Variants in ASB13 observed in about 807,000 individuals in gnomAD.
ASB13 encodes ankyrin repeat and SOCS box protein 13.
In ASB13, 33 loss-of-function variants were observed where a neutral mutation model predicts 28.8. The observed-to-expected ratio is 1.15, with a 90% CI of 0.87 to 1.53. The LOEUF is 1.53. ASB13 is among the 40% of genes most tolerant of loss of function. The pLI is 0.00. For missense variants in ASB13, 414 were observed against 390.1 expected, an observed-to-expected ratio of 1.06 and a Z score of -0.52; for synonymous variants, 182 against 172.9, an observed-to-expected ratio of 1.05 and a Z score of -0.41.
Position 5,658,066 on chromosome 10 carries a change from GAGA to G in ASB13, c.44-5019_44-5017del, listed in dbSNP as rs1465914728. 2.0e-5 allele frequency among the ~76,000 whole-genome samples: 3 copies of G among 152,164 alleles called. No homozygotes were observed. The highest frequency in any genetic ancestry group is 2.0e-4 in the Admixed American group (3 of 15,282). The stretch of plus-strand genomic sequence containing the variant: ...GCCAGCTACTCAGAGGCTGAGGCAC[GAGA>G]ATCGCATGAACCCAGGAGACAGAGG... On this transcript the variant is annotated intron_variant, in intron 1 of 5. Coordinates refer to ENST00000357700, the MANE Select transcript of ASB13 (RefSeq NM_024701.4). The surrounding 1 kb of genome is among the most constrained non-coding windows in gnomAD (Gnocchi z 4.2).
In ASB13 at chr10:5,651,098, C is replaced by G; in HGVS notation, c.382+115G>C. 7.4e-7 allele frequency: 1 copy of G among 1,348,456 alleles called. No individual in the cohort carries two copies. Among genetic ancestry groups the G allele is most frequent in the Non-Finnish European group, 1.0e-6 (1 of 999,602 alleles). The allele number at this position is 1,348,456 out of a possible 1,614,324, so 83.5% of individuals were successfully genotyped here. A position where few individuals can be genotyped will look rare whatever the true frequency, so the allele number is the denominator to read the frequency against. On this transcript the variant is annotated intron_variant, in intron 3 of 5. Coordinates refer to ENST00000357700, the MANE Select transcript of ASB13 (RefSeq NM_024701.4). This position sits in a 1 kb window ranked among gnomAD's most constrained non-coding sequence, Gnocchi z 5.1. The stretch of plus-strand genomic sequence containing the variant: ...AAACAGACTCAGAACTCTCCTTCAC[C>G]AGCCAAGGGCTCCCAATTCTGTCTA...
chr10:5,665,204 G>T (rs1835239395), intron 1 of ASB13, among the ~76,000 whole-genome samples: 1 of 152,170 alleles, frequency 6.6e-6, no homozygotes, highest in East Asian at 1.9e-4. Context: ...TCCAGAATTT[G>T]AGGTCAGAAT....
chr10:5,663,013 T>C lies in ASB13; in HGVS notation c.43+3496A>G, dbSNP rs564013336. ...TGGGCTCAGTGTTTTGTTGCTACAG[T>C]GATATTTTTCAACCATGTCTTTTTA... On this transcript the variant is annotated intron_variant, in intron 1 of 5. Coordinates refer to ENST00000357700, the MANE Select transcript of ASB13 (RefSeq NM_024701.4). This position sits in a 1 kb window ranked among gnomAD's most constrained non-coding sequence, Gnocchi z 4.9. Among the ~76,000 whole-genome samples the C allele has an allele frequency of 6.6e-6, 1 of 152,324 alleles. No homozygotes were observed. The highest frequency in any genetic ancestry group is 1.5e-5 in the Non-Finnish European group (1 of 68,032).
chr10:5,649,130 A>G lies in ASB13; in HGVS notation c.383-26T>C. ...CTTAAGATAAATGGAAAAGGGGGGG[A>G]ATGTCCTTGAATACGGACACTGGAG... On this transcript the variant is annotated intron_variant, in intron 3 of 5. Coordinates refer to ENST00000357700, the MANE Select transcript of ASB13 (RefSeq NM_024701.4). The surrounding 1 kb of genome is among the most constrained non-coding windows in gnomAD (Gnocchi z 6.4). 2 of 1,613,226 alleles carry G rather than the reference A, an allele frequency of 1.2e-6. No individual in the cohort carries two copies. Among genetic ancestry groups the G allele is most frequent in the Non-Finnish European group, 1.7e-6 (2 of 1,179,794 alleles).
Position 5,651,450 on chromosome 10 carries a change from A to G in ASB13, c.232-87T>C, listed in dbSNP as rs1489440940. On this transcript the variant is annotated intron_variant, in intron 2 of 5. Transcript: ENST00000357700. The surrounding 1 kb of genome is among the most constrained non-coding windows in gnomAD (Gnocchi z 5.1). ...TCCTGCTGCAGGTTCATCTTTGCTA[A>G]GATGCTTCTTAGAAGCACCGGTTTG... 7.8e-6 allele frequency: 11 copies of G among 1,405,212 alleles called. No homozygotes were observed. The highest frequency in any genetic ancestry group is 1.0e-5 in the Non-Finnish European group (11 of 1,048,378). The allele number at this position is 1,405,212 out of a possible 1,614,324, so 87.0% of individuals were successfully genotyped here. A position where few individuals can be genotyped will look rare whatever the true frequency, so the allele number is the denominator to read the frequency against.
rs1299575975 is a variant in ASB13, at chr10:5,660,463, A to G, written c.43+6046T>C. On this transcript the variant is annotated intron_variant, in intron 1 of 5. Transcript: ENST00000357700. The surrounding 1 kb of genome is among the most constrained non-coding windows in gnomAD (Gnocchi z 6.1). ...CCTGGCTGAACAGGTCAAGTGGCTC[A>G]GGGTCAGCCTACCCTCAGGGAGCAG... Among the ~76,000 whole-genome samples, 1 of 152,182 alleles carries G rather than the reference A, an allele frequency of 6.6e-6. No individual in the cohort carries two copies. Among genetic ancestry groups the G allele is most frequent in the Non-Finnish European group, 1.5e-5 (1 of 68,038 alleles).
At position 5,642,463 on chromosome 10, in the gene ASB13, G is replaced by C; in HGVS notation, c.518-502C>G. ...CATATTCTTTTACAAAAGGAAAACAGATAACGTACCCAAAACAGTAGGCAA... is the reference window on the plus strand; with the variant it reads ...CATATTCTTTTACAAAAGGAAAACACATAACGTACCCAAAACAGTAGGCAA... On this transcript the variant is annotated intron_variant, in intron 4 of 5. Transcript: ENST00000357700. The surrounding 1 kb of genome is among the most constrained non-coding windows in gnomAD (Gnocchi z 4.1). 8.6e-7 allele frequency: 1 copy of C among 1,169,272 alleles called. No individual in the cohort carries two copies. The highest frequency in any genetic ancestry group is 1.1e-6 in the Non-Finnish European group (1 of 930,470). 72.4% of individuals were successfully genotyped at this position (1,169,272 alleles called of 1,614,324 possible). A position where few individuals can be genotyped will look rare whatever the true frequency, so the allele number is the denominator to read the frequency against.
At chr10:5,654,916 G>C (rs1835047885) in intron 1 of ASB13, among the ~76,000 whole-genome samples, 1 of 152,038 alleles carries the variant, frequency 6.6e-6, no homozygotes, top group African/African-American at 2.4e-5. Flanking sequence ...GGCCAACATG[G>C]TGAAACCCCC....
chr10:5,649,173 G>A lies in ASB13; in HGVS notation c.383-69C>T, dbSNP rs973568435. 2.6e-5 allele frequency: 42 copies of A among 1,593,352 alleles called. No homozygotes were observed. Among genetic ancestry groups the A allele is most frequent in the African/African-American group, 1.3e-4 (10 of 74,696 alleles). ...CACTGGAGACAACAAGCACACAGAC[G>A]CGGCAGGGGCAGCAGCCTCCATCCT... On this transcript the variant is annotated intron_variant, in intron 3 of 5. Coordinates refer to ENST00000357700, the MANE Select transcript of ASB13 (RefSeq NM_024701.4). This position sits in a 1 kb window ranked among gnomAD's most constrained non-coding sequence, Gnocchi z 6.4.
In ASB13 at chr10:5,639,586, A is replaced by T. The variant is rs1011271633; in HGVS notation, c.*1117T>A. 6.6e-6 allele frequency: 1 copy of T among 152,078 alleles called. No individual in the cohort carries two copies. The highest frequency in any genetic ancestry group is 2.4e-5 in the African/African-American group (1 of 41,382). The allele number at this position is 152,078 out of a possible 1,614,324, so 9.4% of individuals were successfully genotyped here. On this transcript the variant is annotated 3_prime_UTR_variant, in exon 6 of 6. Coordinates refer to ENST00000357700, the MANE Select transcript of ASB13 (RefSeq NM_024701.4). ...GTCTGAATACGCTACCGAATGCTCC[A>T]CCTATGGCTTATAATGCAGAACGAC... is the stretch of plus-strand genomic sequence containing the variant.
Position 5,651,753 on chromosome 10 carries a change from A to G in ASB13, c.232-390T>C, listed in dbSNP as rs558324019. 2.0e-5 allele frequency among the ~76,000 whole-genome samples: 3 copies of G among 152,162 alleles called. No individual in the cohort carries two copies. The highest frequency in any genetic ancestry group is 7.2e-5 in the African/African-American group (3 of 41,520). ...CACAGTGGCTCACACCTGTAACCCC[A>G]GCACTTCGGAAGGCGAGGAGGGAGG... On this transcript the variant is annotated intron_variant, in intron 2 of 5. Coordinates refer to ENST00000357700, the MANE Select transcript of ASB13 (RefSeq NM_024701.4). This position sits in a 1 kb window ranked among gnomAD's most constrained non-coding sequence, Gnocchi z 5.1.
rs377307431 is a variant in ASB13, at chr10:5,641,960, C to T, written c.519G>A (p.Gly173=). ...GAAGCTTTGCCGCATTCACGTTGGC[C>T]CCTGGAGGTCAAGAGTGCAGAAGAG... is the stretch of plus-strand genomic sequence containing the variant. ...LDCVKVLLNA[G]ANVNAAKLHE... The change falls in exon 5 of 6, where the codon GGG becomes GGA. Residue 173 remains glycine (G), a splice_region_variant and synonymous_variant. Coordinates refer to ENST00000357700, the MANE Select transcript of ASB13 (RefSeq NM_024701.4). This position sits in a 1 kb window ranked among gnomAD's most constrained non-coding sequence, Gnocchi z 8.4. 3.1e-6 allele frequency: 5 copies of T among 1,600,590 alleles called. No homozygotes were observed. The highest frequency in any genetic ancestry group is 3.4e-6 in the Non-Finnish European group (4 of 1,168,642).
intron 1 of ASB13, among the ~76,000 whole-genome samples, chr10:5,662,526 T>C (rs1268537760): frequency 2.6e-4 from 3 of 11,670 alleles, no homozygotes; most frequent in African/African-American, 8.8e-4. Flanking sequence ...TGAGACTCTG[T>C]CGAGAAGGGG....
At chr10:5,654,984 C>T (rs1382751453) in intron 1 of ASB13, among the ~76,000 whole-genome samples, 8 of 152,108 alleles carry the variant, frequency 5.3e-5, no homozygotes, top group Non-Finnish European at 8.8e-5. Flanking sequence ...TGCCTGTAAT[C>T]CCCGCCACTT....
At position 5,658,916 on chromosome 10, in the gene ASB13, C is replaced by G. The variant is rs1013771447; in HGVS notation, c.44-5866G>C. Among the ~76,000 whole-genome samples the G allele has an allele frequency of 3.9e-5, 6 of 152,098 alleles. No homozygotes were observed. Among genetic ancestry groups the G allele is most frequent in the Non-Finnish European group, 8.8e-5 (6 of 68,002 alleles). On this transcript the variant is annotated intron_variant, in intron 1 of 5. Coordinates refer to ENST00000357700, the MANE Select transcript of ASB13 (RefSeq NM_024701.4). The surrounding 1 kb of genome is among the most constrained non-coding windows in gnomAD (Gnocchi z 4.2). ...TGACACCCCCAAACCACCGATGGCC[C>G]TTCCAGGGGGCGAAGAGACCCACTC...
At position 5,664,002 on chromosome 10, in the gene ASB13, A is replaced by G. The variant is rs1835214811; in HGVS notation, c.43+2507T>C. Among the ~76,000 whole-genome samples, 1 of 152,134 alleles carries G rather than the reference A, an allele frequency of 6.6e-6. No individual in the cohort carries two copies. The highest frequency in any genetic ancestry group is 6.5e-5 in the Admixed American group (1 of 15,268). ...TGAGAGTACCTGGATGGGGAGACAT[A>G]AATCCATATAAACAAGTAGAAAACA... is the stretch of plus-strand genomic sequence containing the variant. On this transcript the variant is annotated intron_variant, in intron 1 of 5. Coordinates refer to ENST00000357700, the MANE Select transcript of ASB13 (RefSeq NM_024701.4). The surrounding 1 kb of genome is among the most constrained non-coding windows in gnomAD (Gnocchi z 4.2).
chr10:5,642,027 G>T lies in ASB13; in HGVS notation c.518-66C>A. On this transcript the variant is annotated intron_variant, in intron 4 of 5. Transcript: ENST00000357700. This position sits in a 1 kb window ranked among gnomAD's most constrained non-coding sequence, Gnocchi z 4.1. ...AACTTGAAGTCAGGGGGACAATCAG[G>T]TCCGTTTCGTCACACAGCACGGTGG... 1.3e-6 allele frequency: 2 copies of T among 1,495,042 alleles called. No homozygotes were observed. The highest frequency in any genetic ancestry group is 1.8e-6 in the Non-Finnish European group (2 of 1,090,812). 92.6% of individuals were successfully genotyped at this position (1,495,042 alleles called of 1,614,324 possible). A position where few individuals can be genotyped will look rare whatever the true frequency, so the allele number is the denominator to read the frequency against.
rs570559875 is a variant in ASB13 at position 5,642,300 on chromosome 10, G to A, written c.518-339C>T. 3.1e-4 allele frequency among the ~76,000 whole-genome samples: 47 copies of A among 152,188 alleles called. No individual in the cohort carries two copies. Among genetic ancestry groups the A allele is most frequent in the African/African-American group, 1.1e-3 (45 of 41,534 alleles). On this transcript the variant is annotated intron_variant, in intron 4 of 5. Coordinates refer to ENST00000357700, the MANE Select transcript of ASB13 (RefSeq NM_024701.4). This position sits in a 1 kb window ranked among gnomAD's most constrained non-coding sequence, Gnocchi z 4.1. Reference sequence around the variant, plus strand: ...TGCCTTCAGGGGTCCTGAGATTTCCGGAAGCTCAAACCAGAGCCACTCAAG... The same window carrying A: ...TGCCTTCAGGGGTCCTGAGATTTCCAGAAGCTCAAACCAGAGCCACTCAAG...
intron 1 of ASB13, among the ~76,000 whole-genome samples, chr10:5,657,524 G>A (rs1835091344): frequency 6.6e-6 from 1 of 152,196 alleles, no homozygotes; most frequent in African/African-American, 2.4e-5. Flanking sequence ...AACCAAATAC[G>A]TGTTGGCGAG....
Sources: gnomAD v4.1 joint callset for allele counts (sites outside exome capture counted in the v4.1 genomes callset) on GRCh38, gnomAD v4.1.1 for gene constraint, Gnocchi (gnomAD v3.1) non-coding constraint, MANE v1.5 for transcripts, NCBI Gene and HGNC (gene_info 2026-07-23, HGNC 2026-07-21) for gene names.